The following NUP188 variants were observed in gnomAD, a reference collection of about 807,000 sequenced individuals.
NUP188 encodes the protein nucleoporin 188.
In NUP188, 97 loss-of-function variants were observed where a neutral mutation model predicts 223.0. That is an observed-to-expected ratio of 0.43 (90% CI 0.37 to 0.51). NUP188 has a LOEUF of 0.51. Among genes scored for constraint, NUP188 ranks in the 20% least tolerant of loss-of-function variants. The pLI is 0.00. For synonymous variants in NUP188, 869 were observed against 828.0 expected, an observed-to-expected ratio of 1.05 and a Z score of -0.85; for missense variants, 1,947 against 2,175.6, an observed-to-expected ratio of 0.89 and a Z score of 2.09.
At chr9:128,984,643 G>A (rs1018640817) in intron 19 of NUP188, among the ~76,000 whole-genome samples, 1 of 152,086 alleles carries the variant, frequency 6.6e-6, no homozygotes, top group African/African-American at 2.4e-5. Flanking sequence ...GAGCATTCTC[G>A]CCTTGCTGTC....
intron 3 of NUP188, among the ~76,000 whole-genome samples, chr9:128,955,797 A>C (rs561716409): frequency 6.6e-6 from 1 of 151,424 alleles, no homozygotes; most frequent in South Asian, 2.1e-4. Context: ...CTGTTATTAG[A>C]GAATGGTATT....
At chr9:128,962,266 T>G (rs1255732610) in intron 8 of NUP188, among the ~76,000 whole-genome samples, 2 of 150,712 alleles carry the variant, frequency 1.3e-5, no homozygotes, top group Admixed American at 6.6e-5. Context: ...TTTTTTTTTT[T>G]GAGACGGAGT....
chr9:128,962,230 T>C (rs1374788525), intron 8 of NUP188, among the ~76,000 whole-genome samples: 2 of 150,074 alleles, frequency 1.3e-5, no homozygotes, highest in Non-Finnish European at 3.0e-5. Context: ...CCATTGCACC[T>C]GACCAACACA....
chr9:128,993,576 G>A lies in NUP188; in HGVS notation c.2899G>A (p.Asp967Asn). The change falls in exon 27 of 44, where the codon GAT becomes AAT. Residue 967 changes from aspartate (D) to asparagine (N), a missense_variant. Transcript: ENST00000372577. ...TCTCCATGCAGTGCTGGAGCTGATT[G>A]ATTCCCAACAGCAAGATCGATACTG... ...SCLHAVLELIDSQQQDRYWCP... is the reference protein window; with the variant it reads ...SCLHAVLELINSQQQDRYWCP... The A allele has an allele frequency of 6.2e-7, 1 of 1,614,160 alleles. No individual in the cohort carries two copies.
intron 4 of NUP188, 43 bp downstream of exon 4, chr9:128,956,477 T>G (rs752181201): frequency 1.0e-6 from 1 of 985,652 alleles, no homozygotes; most frequent in Admixed American, 2.4e-5. Context: ...ACTTGCAGTG[T>G]GGATGTGCGT....
At chr9:128,949,166 A>C (rs1225494812) in intron 1 of NUP188, 23 bp from the exon 2 acceptor site, 3 of 1,599,120 alleles carry the variant, frequency 1.9e-6, no homozygotes, top group Non-Finnish European at 2.6e-6. Context: ...GAGCAAAATT[A>C]CCTCTGTTCT....
At chr9:128,996,631 A>C (rs1271029093) in intron 30 of NUP188, among the ~76,000 whole-genome samples, 1 of 152,038 alleles carries the variant, frequency 6.6e-6, no homozygotes. Flanking sequence ...TTGGACCCCT[A>C]AGGCTCCAAA....
At position 129,005,647 on chromosome 9, in the gene NUP188, C is replaced by T; in HGVS notation, c.4740C>T (p.Ser1580=). ...PDVCQILLDQ[S]LDLAEYNFLF... ...ATGGCTCTTGTCTTTTCTCGCAGTC[C>T]CTGGACCTTGCTGAATACAACTTCC... Residue 1580 remains serine, a splice_region_variant and synonymous_variant, in exon 41 of 44, where the codon TCC becomes TCT. Transcript: ENST00000372577. 6.2e-7 allele frequency: 1 copy of T among 1,613,470 alleles called. No homozygotes were observed. Among genetic ancestry groups the T allele is most frequent in the Non-Finnish European group, 8.5e-7 (1 of 1,179,680 alleles).
At chr9:128,955,114 G>A (rs925459690) in intron 3 of NUP188, among the ~76,000 whole-genome samples, 22 of 152,012 alleles carry the variant, frequency 1.4e-4, no homozygotes, top group African/African-American at 5.3e-4. Context: ...GCCTCCCAAA[G>A]TGCTGGGATT....
rs1401546053 is a variant in NUP188 at position 128,998,145 on chromosome 9, T to C, written c.3352-6T>C. On this transcript the variant is annotated splice_region_variant and splice_polypyrimidine_tract_variant and intron_variant, in intron 30 of 43. Transcript: ENST00000372577. ...CCAGCTGAAACCTTTTTCTGTTCCTTTGCAGGCAGATATAATGCACCTGAC... is the reference window on the plus strand; with the variant it reads ...CCAGCTGAAACCTTTTTCTGTTCCTCTGCAGGCAGATATAATGCACCTGAC... The C allele has an allele frequency of 6.2e-7, 1 of 1,612,382 alleles. No homozygotes were observed. The highest frequency in any genetic ancestry group is 8.5e-7 in the Non-Finnish European group (1 of 1,178,462).
Position 129,005,283 on chromosome 9 carries a change from C to T in NUP188, c.4510-20C>T, listed in dbSNP as rs773772479. 5 of 1,613,378 alleles carry T rather than the reference C, an allele frequency of 3.1e-6. No homozygotes were observed. Among genetic ancestry groups the T allele is most frequent in the Non-Finnish European group, 3.4e-6 (4 of 1,179,292 alleles). ...ACGCTAGCTTCCCAAGCTCCACCTT[C>T]ATTTCTTGACTCTCCTTAGAACAAA... On this transcript the variant is annotated intron_variant, in intron 39 of 43. Transcript: ENST00000372577.
chr9:128,958,650 G>T, intron 6 of NUP188, 152 bp from the exon 7 acceptor site: 2 of 437,114 alleles, frequency 4.6e-6, no homozygotes, highest in Non-Finnish European at 8.2e-6. Flanking sequence ...CTTTATTTTG[G>T]CCTAATTCAG....
intron 12 of NUP188, 28 bp downstream of exon 12, chr9:128,973,277 C>G: frequency 6.5e-7 from 1 of 1,539,676 alleles, no homozygotes; most frequent in Non-Finnish European, 9.0e-7. Context: ...ATGAAGCTGT[C>G]TCTACTGCCC....
intron 34 of NUP188, among the ~76,000 whole-genome samples, chr9:129,000,391 T>C (rs1178662116): frequency 6.6e-6 from 1 of 152,166 alleles, no homozygotes; most frequent in Non-Finnish European, 1.5e-5. Context: ...CGATCTTGGC[T>C]CACTGCAAGC....
intron 2 of NUP188, among the ~76,000 whole-genome samples, chr9:128,951,512 A>G (rs1423496335): frequency 6.6e-6 from 1 of 152,088 alleles, no homozygotes; most frequent in Admixed American, 6.6e-5. Context: ...CCACAACATC[A>G]TTTATATTAT....
In NUP188 at chr9:129,006,795, T is replaced by G; in HGVS notation, c.*117T>G. 3 of 1,090,920 alleles carry G rather than the reference T, an allele frequency of 2.7e-6. No homozygotes were observed. The allele number at this position is 1,090,920 out of a possible 1,614,324, so 67.6% of individuals were successfully genotyped here. On this transcript the variant is annotated 3_prime_UTR_variant, in exon 44 of 44. Coordinates refer to ENST00000372577, the MANE Select transcript of NUP188 (RefSeq NM_015354.3). ...TGGAGGGCACCTCCTGTCACCCCCCTCCCGGAGTAGCCACGACTCCAGCCA... is the reference window on the plus strand; with the variant it reads ...TGGAGGGCACCTCCTGTCACCCCCCGCCCGGAGTAGCCACGACTCCAGCCA...
chr9:128,961,284 T>G (rs528007663), intron 8 of NUP188, among the ~76,000 whole-genome samples: 22 of 134,828 alleles, frequency 1.6e-4, no homozygotes, highest in African/African-American at 5.1e-4. Flanking sequence ...GAGCCGAGAT[T>G]GCACCACTGC....
chr9:128,947,864 G>GTCCATCCA, intron 1 of NUP188, 113 bp downstream of exon 1: 1 of 1,046,976 alleles, frequency 9.6e-7, no homozygotes, highest in Non-Finnish European at 1.3e-6. Context: ...GGCCAACCCC[G>GTCCATCCA]GCTGGATGGA....
Position 128,995,520 on chromosome 9 carries a change from AC to A in NUP188, c.3351+9del. The A allele has an allele frequency of 6.4e-7, 1 of 1,574,040 alleles. No individual in the cohort carries two copies. Among genetic ancestry groups the A allele is most frequent in the Non-Finnish European group, 8.6e-7 (1 of 1,161,818 alleles). ...TCATCATTGCCACCACTCATGTAAGACCCTTTTGGGGAGAGTTTTCACTTTG... is the reference window on the plus strand; with the variant it reads ...TCATCATTGCCACCACTCATGTAAGACCTTTTGGGGAGAGTTTTCACTTTG... On this transcript the variant is annotated splice_region_variant and intron_variant, in intron 30 of 43. Coordinates refer to ENST00000372577, the MANE Select transcript of NUP188 (RefSeq NM_015354.3).
Sources: allele counts gnomAD v4.1 joint callset (sites outside exome capture counted in the v4.1 genomes callset), GRCh38; gene constraint gnomAD v4.1.1; transcripts MANE v1.5; gene names NCBI Gene and HGNC (gene_info 2026-07-23, HGNC 2026-07-21).